PCDHA5: variants seen among roughly 807,000 people sequenced by gnomAD.
PCDHA5 encodes protocadherin alpha-5.
Under a neutral mutation model 61.6 loss-of-function variants are expected in PCDHA5, and 43 were observed. That is an observed-to-expected ratio of 0.70 (90% CI 0.55 to 0.90). The LOEUF (loss-of-function observed/expected upper bound fraction) is 0.90. Among genes scored for constraint, PCDHA5 ranks in the 40% least tolerant of loss-of-function variants. The pLI is 0.00. For synonymous variants in PCDHA5, 627 were observed against 543.9 expected (o/e 1.15, Z -2.13); for missense variants, 1,298 against 1,222.7 (o/e 1.06, Z -0.92).
intron 1 of PCDHA5, chr5:140,869,477 A>T: frequency 1.2e-6 from 2 of 1,614,208 alleles, no homozygotes; most frequent in African/African-American, 2.7e-5. Context: ...GAGGTGAAGG[A>T]CATTAACGAC....
chr5:140,928,043 C>T, intron 1 of PCDHA5: 1 of 1,614,192 alleles, frequency 6.2e-7, no homozygotes, highest in Non-Finnish European at 8.5e-7. Context: ...AGTGCAGGCC[C>T]TTTTCAGCTG....
At chr5:140,883,280 G>T (rs2059527753) in intron 1 of PCDHA5, 1 of 1,613,990 alleles carries the variant, frequency 6.2e-7, no homozygotes, top group Non-Finnish European at 8.5e-7. Flanking sequence ...TACCCTTTTG[G>T]TGGAAGTACT....
At chr5:140,886,599 G>A (rs1370842751) in intron 1 of PCDHA5, among the ~76,000 whole-genome samples, 1 of 151,940 alleles carries the variant, frequency 6.6e-6, no homozygotes, top group African/African-American at 2.4e-5. Flanking sequence ...AGGCCAAGGT[G>A]GGCGGATCAG....
chr5:140,870,344 G>C, intron 1 of PCDHA5: 1 of 1,614,196 alleles, frequency 6.2e-7, no homozygotes, highest in Non-Finnish European at 8.5e-7. Flanking sequence ...GCCCTGGACC[G>C]CGAGAACGTG....
chr5:140,883,259 G>A (rs573584031), intron 1 of PCDHA5: 1 of 1,614,000 alleles, frequency 6.2e-7, no homozygotes, highest in East Asian at 2.2e-5. Flanking sequence ...TATTCCAATG[G>A]CGGGTCATTG....
At chr5:140,870,992 T>G (rs782714479) in intron 1 of PCDHA5, 3 of 1,613,478 alleles carry the variant, frequency 1.9e-6, no homozygotes, top group Non-Finnish European at 2.5e-6. Flanking sequence ...ACGGGCGAGA[T>G]AAGCACAACG....
At chr5:140,886,555 C>T (rs1441725788) in intron 1 of PCDHA5, among the ~76,000 whole-genome samples, 3 of 151,830 alleles carry the variant, frequency 2.0e-5, no homozygotes, top group Non-Finnish European at 4.4e-5. Context: ...CAGCTGGGCA[C>T]GGTGGCTCAC....
At chr5:140,868,767 C>A in intron 1 of PCDHA5, 1 of 249,464 alleles carries the variant, frequency 4.0e-6, no homozygotes, top group East Asian at 8.4e-5. Context: ...TATTTAGTTT[C>A]AATATGACTT....
chr5:140,829,779 C>T (rs782207845), intron 1 of PCDHA5: 10 of 1,613,790 alleles, frequency 6.2e-6, no homozygotes, highest in Non-Finnish European at 6.8e-6. Context: ...GACAACGCGC[C>T]GGCGCTGCTG....
intron 3 of PCDHA5, among the ~76,000 whole-genome samples, chr5:140,991,361 G>C (rs1183124741): frequency 6.6e-6 from 1 of 152,200 alleles, no homozygotes; most frequent in Non-Finnish European, 1.5e-5. Context: ...ACTATTTACT[G>C]TCTGAGTTCT....
rs1329189325 is a variant in PCDHA5, at chr5:141,010,310, G to C, written c.*373G>C. The C allele has an allele frequency of 6.5e-7, 1 of 1,547,658 alleles. No individual in the cohort carries two copies. The highest frequency in any genetic ancestry group is 8.7e-7 in the Non-Finnish European group (1 of 1,145,866). ...CTTGCAGGGCAGGCTGAAAAGTTTT[G>C]AGATTGAGCAGCTTGGGAGTTTGTG... On this transcript the variant is annotated 3_prime_UTR_variant, in exon 4 of 4. Coordinates refer to ENST00000529859, the MANE Select transcript of PCDHA5 (RefSeq NM_018908.3).
chr5:140,913,082 CA>C (rs1341633290), intron 1 of PCDHA5, among the ~76,000 whole-genome samples: 2 of 152,108 alleles, frequency 1.3e-5, no homozygotes, highest in Non-Finnish European at 2.9e-5. Flanking sequence ...TGTTTGGTAT[CA>C]GGATAATACT....
At chr5:140,969,514 G>T (rs2096339995) in intron 1 of PCDHA5, 3 of 1,414,044 alleles carry the variant, frequency 2.1e-6, no homozygotes, top group Admixed American at 2.8e-5. Flanking sequence ...TAGCACTAAA[G>T]AATTGTTTTA....
chr5:140,961,400 C>T (rs929653995), intron 1 of PCDHA5, among the ~76,000 whole-genome samples: 10 of 152,186 alleles, frequency 6.6e-5, no homozygotes, highest in African/African-American at 2.4e-4. Context: ...TTAGTAAACA[C>T]TTTTTGGCAT....
At chr5:140,868,018 A>C (rs987390119) in intron 1 of PCDHA5, 14 of 152,136 alleles carry the variant, frequency 9.2e-5, no homozygotes, top group African/African-American at 3.1e-4. Context: ...GATTAAGGAA[A>C]CCAATGTTGG....
At chr5:140,876,991 T>C in intron 1 of PCDHA5, 1 of 1,612,564 alleles carries the variant, frequency 6.2e-7, no homozygotes, top group Non-Finnish European at 8.5e-7. Flanking sequence ...ACTGTCGAGC[T>C]ACGTGTCGGT....
Position 140,876,962 on chromosome 5 carries a change from G to T in PCDHA5, c.2352+52835G>T, listed in dbSNP as rs375871457. 15 of 1,612,908 alleles carry T rather than the reference G, an allele frequency of 9.3e-6. No homozygotes were observed. The African/African-American group carries it at 1.6e-4, about 17-fold the overall frequency. ...CTGGTGTCCTACTCGCTGGTGGAGCGGCGGGTGGGCGAGCACGCACTGTCG... is the reference window on the plus strand; with the variant it reads ...CTGGTGTCCTACTCGCTGGTGGAGCTGCGGGTGGGCGAGCACGCACTGTCG... On this transcript the variant is annotated intron_variant, in intron 1 of 3. Coordinates refer to ENST00000529859, the MANE Select transcript of PCDHA5 (RefSeq NM_018908.3).
At chr5:140,861,734 A>G in intron 1 of PCDHA5, 1 of 190,940 alleles carries the variant, frequency 5.2e-6, no homozygotes, top group Non-Finnish European at 1.1e-5. Flanking sequence ...GATGACTTAC[A>G]TACTGTGCCG....
intron 2 of PCDHA5, among the ~76,000 whole-genome samples, chr5:140,981,337 G>A (rs2096927522): frequency 6.6e-6 from 1 of 152,146 alleles, no homozygotes; most frequent in African/African-American, 2.4e-5. Context: ...ACTTTGGGAG[G>A]GTGAGGCAGG....
Sources: allele counts gnomAD v4.1 joint callset (sites outside exome capture counted in the v4.1 genomes callset), GRCh38; gene constraint gnomAD v4.1.1; transcripts MANE v1.5; gene names NCBI Gene and HGNC (gene_info 2026-07-23, HGNC 2026-07-21).